Variants in CRIM1 observed in about 807,000 individuals in gnomAD.
CRIM1 encodes cysteine rich transmembrane BMP regulator 1.
Under a neutral mutation model 116.4 loss-of-function variants are expected in CRIM1, and 32 were observed. The observed-to-expected ratio is 0.27, with a 90% CI of 0.21 to 0.37. CRIM1 has a LOEUF of 0.37. Ranked by LOEUF, CRIM1 falls within the 10% of genes least tolerant of loss-of-function variation. The pLI, the probability that CRIM1 is intolerant of heterozygous loss-of-function variation, is 1.00. For synonymous variants in CRIM1, 590 were observed against 509.2 expected, an observed-to-expected ratio of 1.16 and a Z score of -2.13; for missense variants, 1,331 against 1,354.8, an observed-to-expected ratio of 0.98 and a Z score of 0.28.
intron 12 of CRIM1, among the ~76,000 whole-genome samples, chr2:36,520,134 C>A (rs1665285433): frequency 6.6e-6 from 1 of 152,212 alleles, no homozygotes; most frequent in Non-Finnish European, 1.5e-5. Context: ...GGAAGGAAAC[C>A]TGCAGACTCT....
intron 4 of CRIM1, among the ~76,000 whole-genome samples, chr2:36,448,791 A>T (rs890619827): frequency 6.6e-6 from 1 of 152,234 alleles, no homozygotes; most frequent in Non-Finnish European, 1.5e-5. Context: ...ATTTTAAGGT[A>T]GAAATAAATT....
chr2:36,385,084 GA>G (rs58860535), intron 1 of CRIM1, among the ~76,000 whole-genome samples: 3,426 of 138,012 alleles, frequency 0.025, 119 homozygotes, highest in African/African-American at 0.082. Flanking sequence ...TTGCTTCACT[GA>G]AAAAAAAAAA....
At chr2:36,446,100 C>T (rs1676222829) in intron 4 of CRIM1, among the ~76,000 whole-genome samples, 1 of 152,172 alleles carries the variant, frequency 6.6e-6, no homozygotes, top group Non-Finnish European at 1.5e-5. Flanking sequence ...TAAAGAATTA[C>T]ATTCAGTGAA....
chr2:36,515,306 A>G (rs936674095), intron 11 of CRIM1, among the ~76,000 whole-genome samples: 1 of 152,184 alleles, frequency 6.6e-6, no homozygotes, highest in Non-Finnish European at 1.5e-5. Context: ...ATCTTTCTCT[A>G]TTACAGAGTC....
chr2:36,530,990 G>T (rs1666076856), intron 13 of CRIM1, among the ~76,000 whole-genome samples: 2 of 152,124 alleles, frequency 1.3e-5, no homozygotes, highest in Admixed American at 1.3e-4. Flanking sequence ...TGACACTCGG[G>T]GGGCCTTGAT....
chr2:36,425,040 G>T (rs898194516), intron 2 of CRIM1, among the ~76,000 whole-genome samples: 1 of 152,138 alleles, frequency 6.6e-6, no homozygotes, highest in Non-Finnish European at 1.5e-5. Flanking sequence ...TCCAAATCAC[G>T]TAAGCAGTTA....
At chr2:36,385,426 G>A (rs1000959203) in intron 1 of CRIM1, among the ~76,000 whole-genome samples, 2 of 152,148 alleles carry the variant, frequency 1.3e-5, no homozygotes, top group African/African-American at 2.4e-5. Context: ...GAGTATTGCT[G>A]TATATGAAGG....
intron 2 of CRIM1, among the ~76,000 whole-genome samples, chr2:36,401,602 C>T (rs1672407380): frequency 6.6e-6 from 1 of 152,172 alleles, no homozygotes; most frequent in Admixed American, 6.5e-5. Flanking sequence ...CTAGGGGTCT[C>T]TCTGGGCTCA....
In CRIM1 at chr2:36,442,675, C is replaced by G; in HGVS notation, c.809C>G (p.Pro270Arg). The change falls in exon 4 of 17, where the codon CCG becomes CGG. Residue 270 changes from proline to arginine, a missense_variant. Pro to Arg is a moderately radical substitution (Grantham distance 103, BLOSUM62 -2). Coordinates refer to ENST00000280527, the MANE Select transcript of CRIM1 (RefSeq NM_016441.3). ...CCTGTTCAGCAGACCGCGTGTCCCC[C>G]GGACAGCTATGAAACTCAAGTCAGA... ...CPPVQQTACP[P>R]DSYETQVRLT... The G allele has an allele frequency of 6.2e-7, 1 of 1,614,114 alleles. No homozygotes were observed. The highest frequency in any genetic ancestry group is 8.5e-7 in the Non-Finnish European group (1 of 1,179,980).
At chr2:36,547,688 G>C (rs1348212140) in intron 16 of CRIM1, among the ~76,000 whole-genome samples, 1 of 152,134 alleles carries the variant, frequency 6.6e-6, no homozygotes, top group Non-Finnish European at 1.5e-5. Flanking sequence ...AGAGGTGGTG[G>C]AAAGTAATAG....
At chr2:36,385,846 A>G (rs912451586) in intron 1 of CRIM1, among the ~76,000 whole-genome samples, 5 of 152,186 alleles carry the variant, frequency 3.3e-5, no homozygotes, top group Non-Finnish European at 7.3e-5. Flanking sequence ...TGATGAATCC[A>G]TGGAGAGTGC....
intron 14 of CRIM1, among the ~76,000 whole-genome samples, chr2:36,542,654 G>A (rs544740817): frequency 5.9e-5 from 9 of 152,240 alleles, no homozygotes; most frequent in African/African-American, 2.2e-4. Flanking sequence ...GTGGCAGTTC[G>A]GCCCCTATTG....
At chr2:36,537,326 C>A in intron 13 of CRIM1, 26 bp from the exon 14 acceptor site, 4 of 1,609,090 alleles carry the variant, frequency 2.5e-6, no homozygotes, top group Non-Finnish European at 3.4e-6. Context: ...ATCAGCGACT[C>A]CATCATGTGC....
chr2:36,548,096 G>A (rs574749261), intron 16 of CRIM1, among the ~76,000 whole-genome samples: 1 of 152,272 alleles, frequency 6.6e-6, no homozygotes, highest in South Asian at 2.1e-4. Flanking sequence ...CTCATAAAGT[G>A]TATGGAGTGA....
In CRIM1 at chr2:36,546,968, A is replaced by T. The variant is rs1172697224; in HGVS notation, c.2747-16A>T. 1.3e-6 allele frequency: 2 copies of T among 1,483,942 alleles called. No individual in the cohort carries two copies. Among genetic ancestry groups the T allele is most frequent in the African/African-American group, 1.4e-5 (1 of 70,298 alleles). The allele number at this position is 1,483,942 out of a possible 1,614,324, so 91.9% of individuals were successfully genotyped here. A position where few individuals can be genotyped will look rare whatever the true frequency, so the allele number is the denominator to read the frequency against. On this transcript the variant is annotated splice_polypyrimidine_tract_variant and intron_variant, in intron 15 of 16. Coordinates refer to ENST00000280527, the MANE Select transcript of CRIM1 (RefSeq NM_016441.3). ...CTGGTTTAGGTAATAAATGCTTATA[A>T]TTTTTTTTCTCCTAGATATGGGTCA...
intron 1 of CRIM1, among the ~76,000 whole-genome samples, chr2:36,390,436 G>A (rs1280744362): frequency 6.6e-6 from 1 of 152,186 alleles, no homozygotes; most frequent in South Asian, 2.1e-4. Flanking sequence ...CCCATGCTTT[G>A]CAGCCCTCCA....
chr2:36,464,537 C>T lies in CRIM1; in HGVS notation c.873C>T (p.Cys291=), dbSNP rs748318484. 6 of 1,613,904 alleles carry T rather than the reference C, an allele frequency of 3.7e-6. No individual in the cohort carries two copies. The highest frequency in any genetic ancestry group is 2.2e-5 in the East Asian group (1 of 44,868). ...ADGCCTLPTR[C]ECLSGLCGFP... ...CTTCCCTTTTCTTTGGTTTCAGATG[C>T]GAGTGTCTCTCTGGCTTATGTGGTT... The change falls in exon 5 of 17, where the codon TGC becomes TGT. Residue 291 remains cysteine (C), a synonymous_variant. Coordinates refer to ENST00000280527, the MANE Select transcript of CRIM1 (RefSeq NM_016441.3).
chr2:36,367,706 A>G (rs1669690294), intron 1 of CRIM1, among the ~76,000 whole-genome samples: 1 of 152,212 alleles, frequency 6.6e-6, no homozygotes, highest in Non-Finnish European at 1.5e-5. Flanking sequence ...AGAAGGGCTT[A>G]GAGGAAAAGA....
rs1324438930 is a variant in CRIM1, at chr2:36,396,795, T to G, written c.505+8T>G. 2 of 1,600,408 alleles carry G rather than the reference T, an allele frequency of 1.2e-6. No homozygotes were observed. The highest frequency in any genetic ancestry group is 1.7e-5 in the Admixed American group (1 of 59,728). ...CTTTAAAGAGAATTGAAGGTAAGCA[T>G]TAATTTTTGTTAACCATCCAGTCGT... is the stretch of plus-strand genomic sequence containing the variant. On this transcript the variant is annotated splice_region_variant and intron_variant, in intron 2 of 16. Transcript: ENST00000280527.
Sources: gnomAD v4.1 joint callset for allele counts (sites outside exome capture counted in the v4.1 genomes callset) on GRCh38, gnomAD v4.1.1 for gene constraint, MANE v1.5 for transcripts, NCBI Gene and HGNC (gene_info 2026-07-23, HGNC 2026-07-21) for gene names.